PLGRKT: variants seen among roughly 807,000 people sequenced by gnomAD.
PLGRKT encodes the protein plasminogen receptor with a C-terminal lysine.
In PLGRKT, 22 loss-of-function variants were observed where a neutral mutation model predicts 18.5. That is an observed-to-expected ratio of 1.19 (90% CI 0.85 to 1.70). The LOEUF (loss-of-function observed/expected upper bound fraction) is 1.70, where lower values mean the gene tolerates loss of function less well. Ranked by LOEUF, PLGRKT falls within the 40% of genes most tolerant of loss-of-function variation. The pLI, the probability that PLGRKT is intolerant of heterozygous loss-of-function variation, is 0.00. For missense variants in PLGRKT, 235 were observed against 174.4 expected (o/e 1.35, Z -1.96); for synonymous variants, 72 against 52.8 (o/e 1.36, Z -1.58).
At chr9:5,410,659 T>C (rs1032980608) in intron 3 of PLGRKT, among the ~76,000 whole-genome samples, 1 of 152,220 alleles carries the variant, frequency 6.6e-6, no homozygotes, top group African/African-American at 2.4e-5. Flanking sequence ...ATGAATTAAT[T>C]TGTTCATACT....
intron 3 of PLGRKT, among the ~76,000 whole-genome samples, chr9:5,382,211 C>T (rs1240811129): frequency 6.6e-6 from 1 of 152,198 alleles, no homozygotes; most frequent in Non-Finnish European, 1.5e-5. Context: ...GGATGGAAGA[C>T]AGCACCTGCC....
At chr9:5,363,467 T>TC (rs1817313309) in intron 3 of PLGRKT, among the ~76,000 whole-genome samples, 1 of 152,014 alleles carries the variant, frequency 6.6e-6, no homozygotes, top group Non-Finnish European at 1.5e-5. Flanking sequence ...TCAGCTACCT[T>TC]CTCTGGCCCT....
At chr9:5,401,168 T>G (rs1342721137) in intron 3 of PLGRKT, among the ~76,000 whole-genome samples, 1 of 151,784 alleles carries the variant, frequency 6.6e-6, no homozygotes, top group African/African-American at 2.4e-5. Context: ...TATACAAGCT[T>G]AGTGTTCCAT....
rs115799395 is a variant in PLGRKT, at chr9:5,378,547, T to A, written c.82-16659A>T. The stretch of plus-strand genomic sequence containing the variant: ...TAGCCCATGCTCTTGGAAGTCAGGA[T>A]AGTGGCTATCCTTAAGTGGGGTTAG... On this transcript the variant is annotated intron_variant, in intron 3 of 5. Coordinates refer to ENST00000223864, the MANE Select transcript of PLGRKT (RefSeq NM_018465.4). Among the ~76,000 whole-genome samples, 597 of 152,300 alleles carry A rather than the reference T, an allele frequency of 3.9e-3. 7 individuals carry two copies. Among genetic ancestry groups the A allele is most frequent in the African/African-American group, 0.013 (552 of 41,562 alleles).
chr9:5,418,937 G>C lies in PLGRKT; in HGVS notation c.81+12960C>G, dbSNP rs1236685077. ...ACTAGGGGCTGCAGTAATTAAAACAGATCTGACATTCTAGCAGAGTCCTGG... is the reference window on the plus strand; with the variant it reads ...ACTAGGGGCTGCAGTAATTAAAACACATCTGACATTCTAGCAGAGTCCTGG... On this transcript the variant is annotated intron_variant, in intron 3 of 5. Transcript: ENST00000223864. The surrounding 1 kb of genome is among the most constrained non-coding windows in gnomAD (Gnocchi z 4.2). The C allele has an allele frequency of 6.4e-6, 5 of 783,316 alleles. No individual in the cohort carries two copies. The highest frequency in any genetic ancestry group is 1.1e-5 in the Non-Finnish European group (5 of 473,154). The allele number at this position is 783,316 out of a possible 1,614,324, so 48.5% of individuals were successfully genotyped here.
intron 3 of PLGRKT, among the ~76,000 whole-genome samples, chr9:5,406,542 G>A (rs1324396077): frequency 3.3e-5 from 5 of 151,804 alleles, no homozygotes; most frequent in Non-Finnish European, 5.9e-5. Flanking sequence ...TCTCTTATAA[G>A]TGGGAGGTGA....
Position 5,361,894 on chromosome 9 carries a change from G to A in PLGRKT, c.82-6C>T, listed in dbSNP as rs1169281265. On this transcript the variant is annotated splice_region_variant and splice_polypyrimidine_tract_variant and intron_variant, in intron 3 of 5. Transcript: ENST00000223864. The stretch of plus-strand genomic sequence containing the variant: ...ATGATGAGCTGCCTTTCCAGCTAAG[G>A]ACAAAACAAAAGACAAAGTAAAGTT... 6.2e-7 allele frequency: 1 copy of A among 1,609,960 alleles called. No homozygotes were observed. The highest frequency in any genetic ancestry group is 8.5e-7 in the Non-Finnish European group (1 of 1,178,588).
intron 3 of PLGRKT, among the ~76,000 whole-genome samples, chr9:5,368,340 A>G (rs1460449305): frequency 2.0e-5 from 3 of 152,250 alleles, no homozygotes; most frequent in African/African-American, 7.2e-5. Context: ...CTAGGTGCCC[A>G]TCAATGGTGG....
chr9:5,431,633 T>TG (rs935726034), intron 3 of PLGRKT, among the ~76,000 whole-genome samples: 10 of 147,258 alleles, frequency 6.8e-5, no homozygotes, highest in African/African-American at 2.5e-4. Context: ...TCTTTGGGGG[T>TG]GGGGGGCATT....
chr9:5,411,876 T>C (rs1247798625), intron 3 of PLGRKT, among the ~76,000 whole-genome samples: 1 of 152,198 alleles, frequency 6.6e-6, no homozygotes, highest in East Asian at 1.9e-4. Context: ...GACTCAATAG[T>C]TCTTCACAAA....
intron 3 of PLGRKT, among the ~76,000 whole-genome samples, chr9:5,421,392 T>C (rs960583511): frequency 6.6e-6 from 1 of 152,222 alleles, no homozygotes; most frequent in Non-Finnish European, 1.5e-5. Flanking sequence ...TGGTCTCCCA[T>C]CATCATCCCT....
intron 5 of PLGRKT, among the ~76,000 whole-genome samples, chr9:5,360,417 C>T (rs530880911): frequency 6.6e-6 from 1 of 152,268 alleles, no homozygotes; most frequent in South Asian, 2.1e-4. Flanking sequence ...AAGGCAGCCA[C>T]AGACAATACA....
At chr9:5,395,014 T>C (rs747101444) in intron 3 of PLGRKT, among the ~76,000 whole-genome samples, 1 of 151,826 alleles carries the variant, frequency 6.6e-6, no homozygotes. Context: ...TCCGACTTTT[T>C]TGTTTTACAT....
At chr9:5,369,518 G>C (rs552927748) in intron 3 of PLGRKT, among the ~76,000 whole-genome samples, 1 of 152,180 alleles carries the variant, frequency 6.6e-6, no homozygotes, top group South Asian at 2.1e-4. Flanking sequence ...TTCAACCATT[G>C]TGGAAGACAG....
At chr9:5,385,980 C>A (rs940900963) in intron 3 of PLGRKT, among the ~76,000 whole-genome samples, 4 of 151,426 alleles carry the variant, frequency 2.6e-5, no homozygotes, top group African/African-American at 9.8e-5. Context: ...ATTTGGATTC[C>A]TTATGTCAGA....
At chr9:5,395,270 A>G (rs1432004910) in intron 3 of PLGRKT, among the ~76,000 whole-genome samples, 1 of 151,956 alleles carries the variant, frequency 6.6e-6, no homozygotes, top group African/African-American at 2.4e-5. Context: ...TTAGGATTTG[A>G]GTAAAGTTAC....
In PLGRKT at chr9:5,418,968, C is replaced by G; in HGVS notation, c.81+12929G>C. 1.4e-6 allele frequency: 1 copy of G among 701,916 alleles called. No homozygotes were observed. Among genetic ancestry groups the G allele is most frequent in the South Asian group, 1.7e-5 (1 of 57,922 alleles). 43.5% of individuals were successfully genotyped at this position (701,916 alleles called of 1,614,324 possible). A position where few individuals can be genotyped will look rare whatever the true frequency, so the allele number is the denominator to read the frequency against. ...ACATTCTAGCAGAGTCCTGGGACAG[C>G]GTCTCCATGGTGGACCCTGAGCAGG... On this transcript the variant is annotated intron_variant, in intron 3 of 5. Coordinates refer to ENST00000223864, the MANE Select transcript of PLGRKT (RefSeq NM_018465.4). The surrounding 1 kb of genome is among the most constrained non-coding windows in gnomAD (Gnocchi z 4.2).
chr9:5,421,928 T>C (rs1818583264), intron 3 of PLGRKT, among the ~76,000 whole-genome samples: 1 of 152,208 alleles, frequency 6.6e-6, no homozygotes, highest in African/African-American at 2.4e-5. Flanking sequence ...ATAGTCACAA[T>C]ATACAAATAA....
At chr9:5,358,684 A>G (rs891305469) in intron 5 of PLGRKT, among the ~76,000 whole-genome samples, 2 of 152,246 alleles carry the variant, frequency 1.3e-5, no homozygotes, top group Non-Finnish European at 2.9e-5. Flanking sequence ...GGGTAGAGAA[A>G]CCACACATAG....
Sources: gnomAD v4.1 joint callset for allele counts (sites outside exome capture counted in the v4.1 genomes callset) on GRCh38, gnomAD v4.1.1 for gene constraint, Gnocchi (gnomAD v3.1) non-coding constraint, MANE v1.5 for transcripts, NCBI Gene and HGNC (gene_info 2026-07-23, HGNC 2026-07-21) for gene names.